R3HDM2: variants seen among roughly 807,000 people sequenced by gnomAD.
R3HDM2 encodes R3H domain containing 2.
A neutral mutation model predicts 124.5 loss-of-function variants in R3HDM2; 38 were observed. The observed-to-expected ratio is 0.31, with a 90% CI of 0.24 to 0.40. The LOEUF is 0.40. Among genes scored for constraint, R3HDM2 ranks in the 10% least tolerant of loss-of-function variants. The pLI, the probability that R3HDM2 is intolerant of heterozygous loss-of-function variation, is 1.00. For missense variants in R3HDM2, 869 were observed against 1,236.9 expected (o/e 0.70, Z 4.46); for synonymous variants, 391 against 448.0 (o/e 0.87, Z 1.61).
chr12:57,336,105 A>G (rs542189749), intron 2 of R3HDM2, among the ~76,000 whole-genome samples: 3 of 151,500 alleles, frequency 2.0e-5, no homozygotes, highest in African/African-American at 7.3e-5. Flanking sequence ...TTAATTTCAT[A>G]CCTCACACCA....
At chr12:57,313,442 T>C (rs542259306) in intron 2 of R3HDM2, among the ~76,000 whole-genome samples, 186 of 151,912 alleles carry the variant, frequency 1.2e-3, no homozygotes, top group Admixed American at 2.1e-3. Flanking sequence ...TGCACACTTG[T>C]AGTCTCAGCT....
At chr12:57,305,093 G>A (rs2052261787) in intron 3 of R3HDM2, among the ~76,000 whole-genome samples, 1 of 152,186 alleles carries the variant, frequency 6.6e-6, no homozygotes, top group Admixed American at 6.5e-5. Flanking sequence ...GCTGAGGCAG[G>A]AGAATTGCTT....
intron 14 of R3HDM2, among the ~76,000 whole-genome samples, chr12:57,273,787 C>T (rs1324954730): frequency 6.6e-6 from 1 of 152,160 alleles, no homozygotes; most frequent in Non-Finnish European, 1.5e-5. Context: ...ATGTGTGGGG[C>T]CATGGTATCA....
At position 57,258,000 on chromosome 12, in the gene R3HDM2, AC is replaced by A; in HGVS notation, c.2438del (p.Gly813ValfsTer42). The A allele has an allele frequency of 6.4e-7, 1 of 1,560,774 alleles. No homozygotes were observed. Among genetic ancestry groups the A allele is most frequent in the Non-Finnish European group, 8.7e-7 (1 of 1,145,570 alleles). On this transcript the variant is annotated frameshift_variant, in exon 21 of 24. Transcript: ENST00000402412. LOFTEE classifies it high-confidence loss of function. Reference protein sequence around the residue: ...PVLTQFPRPGGPAQGDGRYSL... With the variant: ...PVLTQFPRPGXPAQGDGRYSL... ...AATCTAACCCCCTACCCTGTGCTGG[AC>A]CCCCAGGCCGGGGGAACTGTGTGAG...
At chr12:57,299,236 CAAGTTAGCAGAACACTACA>C (rs1389936432) in intron 6 of R3HDM2, 97 bp downstream of exon 6, 13 of 1,223,140 alleles carry the variant, frequency 1.1e-5, no homozygotes, top group Non-Finnish European at 1.3e-5. Flanking sequence ...CTCAAGCAAC[CAAGTTAGCAGAACACTACA>C]AATTGATGGG....
intron 2 of R3HDM2, among the ~76,000 whole-genome samples, chr12:57,383,028 C>A (rs2065132610): frequency 6.6e-6 from 1 of 151,976 alleles, no homozygotes; most frequent in Non-Finnish European, 1.5e-5. Flanking sequence ...GGTTTACAGG[C>A]ATGCACCACC....
chr12:57,303,731 G>A (rs541352736), intron 3 of R3HDM2, among the ~76,000 whole-genome samples: 29 of 151,940 alleles, frequency 1.9e-4, no homozygotes, highest in Non-Finnish European at 1.9e-4. Flanking sequence ...GCAGTGAGCC[G>A]AGATCACGCT....
intron 12 of R3HDM2, among the ~76,000 whole-genome samples, chr12:57,287,269 T>G (rs2047565509): frequency 6.6e-6 from 1 of 152,238 alleles, no homozygotes; most frequent in Non-Finnish European, 1.5e-5. Flanking sequence ...GCACTGTGCA[T>G]TAATTCACAC....
At chr12:57,401,517 T>C (rs2068049575) in intron 1 of R3HDM2, among the ~76,000 whole-genome samples, 1 of 152,212 alleles carries the variant, frequency 6.6e-6, no homozygotes, top group Admixed American at 6.5e-5. Flanking sequence ...AGAGGCAAAC[T>C]GTGACAGAGT....
chr12:57,413,132 AACAGAGTG>A (rs2069164037), intron 1 of R3HDM2, among the ~76,000 whole-genome samples: 1 of 152,074 alleles, frequency 6.6e-6, no homozygotes, highest in South Asian at 2.1e-4. Context: ...CAGCCTGGAC[AACAGAGTG>A]AGACTCTGTC....
chr12:57,334,747 A>C (rs2058643449), intron 2 of R3HDM2, among the ~76,000 whole-genome samples: 1 of 152,198 alleles, frequency 6.6e-6, no homozygotes, highest in African/African-American at 2.4e-5. Flanking sequence ...GAATCAGTGT[A>C]GGGATATATT....
chr12:57,360,793 C>A (rs1017964138), intron 2 of R3HDM2, among the ~76,000 whole-genome samples: 1 of 152,136 alleles, frequency 6.6e-6, no homozygotes, highest in Non-Finnish European at 1.5e-5. Context: ...CAGTGGCTCA[C>A]GCCTGTAATC....
intron 1 of R3HDM2, chr12:57,418,473 A>C (rs1469438928): frequency 3.5e-6 from 1 of 288,108 alleles, no homozygotes; most frequent in Non-Finnish European, 5.2e-6. Context: ...ATGTAGTGAC[A>C]GTGGAAAGGA....
At chr12:57,295,317 C>A in intron 10 of R3HDM2, 82 bp downstream of exon 10, 1 of 930,852 alleles carries the variant, frequency 1.1e-6, no homozygotes, top group Non-Finnish European at 1.7e-6. Context: ...TGAGTTTTCT[C>A]CATCCCACAA....
At chr12:57,328,747 A>C (rs2057691233) in intron 2 of R3HDM2, among the ~76,000 whole-genome samples, 2 of 151,868 alleles carry the variant, frequency 1.3e-5, no homozygotes, top group Non-Finnish European at 2.9e-5. Flanking sequence ...TTTTTTAGAC[A>C]ATGCTATTGC....
At chr12:57,285,962 G>T (rs1040985675) in intron 12 of R3HDM2, among the ~76,000 whole-genome samples, 9 of 152,208 alleles carry the variant, frequency 5.9e-5, no homozygotes, top group Admixed American at 4.6e-4. Flanking sequence ...AATGTAGACT[G>T]CCTGATGATC....
intron 2 of R3HDM2, among the ~76,000 whole-genome samples, chr12:57,351,258 T>G (rs903414074): frequency 1.1e-4 from 17 of 152,106 alleles, no homozygotes; most frequent in Non-Finnish European, 1.6e-4. Flanking sequence ...CAGAGCAAGA[T>G]CCTGTCTGAT....
At chr12:57,393,776 CTT>C (rs1348563191) in intron 2 of R3HDM2, among the ~76,000 whole-genome samples, 1 of 152,156 alleles carries the variant, frequency 6.6e-6, no homozygotes, top group African/African-American at 2.4e-5. Context: ...CAATCAAACT[CTT>C]AAAAAACAAA....
In R3HDM2 at chr12:57,363,663, ACAT is replaced by A. The variant is rs1203141280; in HGVS notation, c.-36+32083_-36+32085del. On this transcript the variant is annotated intron_variant, in intron 2 of 23. Transcript: ENST00000402412. Reference sequence around the variant, plus strand: ...GATCATTACACATTAGAGTATCAAAACATCATCACTATGTAACCCATAAATATA... The same window carrying A: ...GATCATTACACATTAGAGTATCAAAACATCACTATGTAACCCATAAATATA... 2.6e-5 allele frequency among the ~76,000 whole-genome samples: 4 copies of A among 152,352 alleles called. No individual in the cohort carries two copies. In the East Asian group the frequency reaches 7.7e-4, roughly 29 times the overall value.
Sources: gnomAD v4.1 joint callset for allele counts (sites outside exome capture counted in the v4.1 genomes callset) on GRCh38, gnomAD v4.1.1 for gene constraint, MANE v1.5 for transcripts, NCBI Gene and HGNC (gene_info 2026-07-23, HGNC 2026-07-21) for gene names.